The following ERBB4 variants were observed in gnomAD, a reference collection of about 807,000 sequenced individuals.
ERBB4 encodes the protein receptor tyrosine-protein kinase erbB-4.
ERBB4 carries 42 observed loss-of-function variants against 158.0 expected under a neutral mutation model. That is an observed-to-expected ratio of 0.27 (90% CI 0.21 to 0.34). ERBB4 has a LOEUF of 0.34. Among genes scored for constraint, ERBB4 ranks in the 10% least tolerant of loss-of-function variants. The probability of loss-of-function intolerance (pLI) is 1.00; values close to 1 mark genes in which losing one functional copy is unlikely to be tolerated. For synonymous variants in ERBB4, 583 were observed against 558.7 expected, an observed-to-expected ratio of 1.04 and a Z score of -0.61; for missense variants, 1,333 against 1,624.1, an observed-to-expected ratio of 0.82 and a Z score of 3.08.
chr2:211,787,898 T>C (rs1412827615), intron 4 of ERBB4, 127 bp downstream of exon 4: 5 of 881,864 alleles, frequency 5.7e-6, no homozygotes, highest in South Asian at 3.0e-5. Context: ...TTCTGCCATA[T>C]ATAACTGAAC....
chr2:211,549,722 C>G (rs1165114959), intron 20 of ERBB4, among the ~76,000 whole-genome samples: 1 of 152,026 alleles, frequency 6.6e-6, no homozygotes, highest in Admixed American at 6.6e-5. Flanking sequence ...ACTTATGTGT[C>G]AAATAAAATA....
intron 13 of ERBB4, among the ~76,000 whole-genome samples, chr2:211,675,691 T>A (rs560895371): frequency 6.7e-6 from 1 of 150,086 alleles, no homozygotes; most frequent in African/African-American, 2.4e-5. Flanking sequence ...CTGATTTTCA[T>A]TTTTCCCTTC....
chr2:211,757,715 T>G (rs1162642463), intron 4 of ERBB4, among the ~76,000 whole-genome samples: 1 of 152,232 alleles, frequency 6.6e-6, no homozygotes, highest in South Asian at 2.1e-4. Flanking sequence ...ATCAGACAGA[T>G]AGCTAATGGA....
At chr2:211,931,373 C>G (rs1323388777) in intron 3 of ERBB4, among the ~76,000 whole-genome samples, 1 of 151,904 alleles carries the variant, frequency 6.6e-6, no homozygotes. Flanking sequence ...CAATCAAACC[C>G]TAATAGAGGT....
intron 2 of ERBB4, among the ~76,000 whole-genome samples, chr2:212,073,255 G>T (rs904612926): frequency 3.9e-5 from 6 of 151,954 alleles, no homozygotes; most frequent in African/African-American, 1.4e-4. Context: ...AGAATAACTG[G>T]AGGTCACTTC....
chr2:212,210,174 T>C (rs1194599404), intron 1 of ERBB4, among the ~76,000 whole-genome samples: 1 of 145,652 alleles, frequency 6.9e-6, no homozygotes, highest in African/African-American at 2.5e-5. Flanking sequence ...AAGTAGGAAG[T>C]TAAGAACCAA....
At chr2:212,309,751 G>C (rs2086955827) in intron 1 of ERBB4, among the ~76,000 whole-genome samples, 1 of 103,758 alleles carries the variant, frequency 9.6e-6, no homozygotes. Context: ...GGTAAGCTTT[G>C]AGGGTATTTT....
chr2:211,422,879 G>C (rs2063543094), intron 23 of ERBB4, among the ~76,000 whole-genome samples: 1 of 151,778 alleles, frequency 6.6e-6, no homozygotes, highest in South Asian at 2.1e-4. Flanking sequence ...AATTATATAA[G>C]ACATGCATGT....
intron 25 of ERBB4, among the ~76,000 whole-genome samples, chr2:211,414,341 A>G (rs2063334759): frequency 6.6e-6 from 1 of 151,932 alleles, no homozygotes; most frequent in South Asian, 2.1e-4. Flanking sequence ...TACTAAAAAT[A>G]CAAAAATTAG....
At position 211,506,608 on chromosome 2, in the gene ERBB4, C is replaced by G. The variant is rs574134177; in HGVS notation, c.2487+55295G>C. ...TTAGAACTGAATACCAAGAATAACT[C>G]AATATTACAAAAGTACATGGAAACT... is the stretch of plus-strand genomic sequence containing the variant. On this transcript the variant is annotated intron_variant, in intron 20 of 27. Coordinates refer to ENST00000342788, the MANE Select transcript of ERBB4 (RefSeq NM_005235.3). Among the ~76,000 whole-genome samples, 3 of 152,016 alleles carry G rather than the reference C, an allele frequency of 2.0e-5. No homozygotes were observed. The East Asian group carries it at 5.8e-4, about 29-fold the overall frequency.
At chr2:212,182,450 T>C (rs2081896972) in intron 1 of ERBB4, among the ~76,000 whole-genome samples, 1 of 151,884 alleles carries the variant, frequency 6.6e-6, no homozygotes, top group Admixed American at 6.6e-5. Context: ...CCACACCTTT[T>C]TGAGCTTGTC....
At position 212,314,232 on chromosome 2, in the gene ERBB4, G is replaced by C. The variant is rs201396121; in HGVS notation, c.83-189329C>G. Among the ~76,000 whole-genome samples, 54 of 150,964 alleles carry C rather than the reference G, an allele frequency of 3.6e-4. No individual in the cohort carries two copies. The East Asian group carries it at 0.01, about 29-fold the overall frequency. ...ATTGAATTGAAAATCTTGTTTTTAA[G>C]TTTGTATGAGTACATAGTTTCTCAG... On this transcript the variant is annotated intron_variant, in intron 1 of 27. Coordinates refer to ENST00000342788, the MANE Select transcript of ERBB4 (RefSeq NM_005235.3).
chr2:212,199,268 T>C (rs2082522683), intron 1 of ERBB4, among the ~76,000 whole-genome samples: 1 of 152,214 alleles, frequency 6.6e-6, no homozygotes, highest in Non-Finnish European at 1.5e-5. Context: ...GTTTACTTTC[T>C]TTCATATTGT....
rs569340332 is a variant in ERBB4, at chr2:212,361,479, A to G, written c.82+176970T>C. On this transcript the variant is annotated intron_variant, in intron 1 of 27. Transcript: ENST00000342788. ...AAATAACATCATAACTGCAATTTTGACCTTCCAAAGCATTTTACTCTGTAA... is the reference window on the plus strand; with the variant it reads ...AAATAACATCATAACTGCAATTTTGGCCTTCCAAAGCATTTTACTCTGTAA... Among the ~76,000 whole-genome samples the G allele has an allele frequency of 9.2e-5, 14 of 151,684 alleles. No homozygotes were observed. The South Asian group carries it at 2.5e-3, about 27-fold the overall frequency.
intron 2 of ERBB4, among the ~76,000 whole-genome samples, chr2:212,092,560 GA>G (rs2078810352): frequency 6.6e-6 from 1 of 152,130 alleles, no homozygotes; most frequent in Non-Finnish European, 1.5e-5. Context: ...ATCGTTTACA[GA>G]AATAGAATTT....
chr2:211,398,648 T>C (rs111279452), intron 25 of ERBB4, among the ~76,000 whole-genome samples: 5 of 152,060 alleles, frequency 3.3e-5, no homozygotes, highest in African/African-American at 1.2e-4. Flanking sequence ...CAAGACCAGA[T>C]GGTGAAACCC....
At chr2:212,523,708 T>C (rs561173080) in intron 1 of ERBB4, among the ~76,000 whole-genome samples, 1 of 152,126 alleles carries the variant, frequency 6.6e-6, no homozygotes, top group Non-Finnish European at 1.5e-5. Flanking sequence ...TATGAAAAGA[T>C]ACTTGGGCAC....
intron 3 of ERBB4, among the ~76,000 whole-genome samples, chr2:211,851,599 T>C (rs1173201229): frequency 6.6e-6 from 1 of 151,964 alleles, no homozygotes; most frequent in Non-Finnish European, 1.5e-5. Context: ...AGAGCATATT[T>C]GCTGTAAAAC....
intron 19 of ERBB4, among the ~76,000 whole-genome samples, chr2:211,568,267 G>C (rs556782200): frequency 2.0e-5 from 3 of 151,414 alleles, no homozygotes; most frequent in Non-Finnish European, 1.5e-5. Flanking sequence ...GTGTAAATAA[G>C]GTCTTTTTAA....
Sources: gnomAD v4.1 joint callset for allele counts (sites outside exome capture counted in the v4.1 genomes callset) on GRCh38, gnomAD v4.1.1 for gene constraint, MANE v1.5 for transcripts, NCBI Gene and HGNC (gene_info 2026-07-23, HGNC 2026-07-21) for gene names.